PTPRE: variants seen among roughly 807,000 people sequenced by gnomAD.
PTPRE encodes the protein receptor-type tyrosine-protein phosphatase epsilon.
PTPRE carries 51 observed loss-of-function variants against 102.0 expected under a neutral mutation model. The observed-to-expected ratio is 0.50, with a 90% CI of 0.40 to 0.63. PTPRE has a LOEUF of 0.63. Among genes scored for constraint, PTPRE ranks in the 30% least tolerant of loss-of-function variants. PTPRE has a pLI of 0.00. For missense variants in PTPRE, 752 were observed against 915.1 expected, an observed-to-expected ratio of 0.82 and a Z score of 2.30; for synonymous variants, 345 against 348.2, an observed-to-expected ratio of 0.99 and a Z score of 0.10.
chr10:127,931,033 C>T (rs1488742623), intron 1 of PTPRE, among the ~76,000 whole-genome samples: 4 of 152,090 alleles, frequency 2.6e-5, no homozygotes, highest in Non-Finnish European at 4.4e-5. Flanking sequence ...CCTCGTGATC[C>T]ACCCGCCTCG....
chr10:128,003,687 G>A (rs1032473352), intron 2 of PTPRE, among the ~76,000 whole-genome samples: 25 of 152,096 alleles, frequency 1.6e-4, no homozygotes, highest in Non-Finnish European at 3.1e-4. Flanking sequence ...AAAGAAATGC[G>A]CCCCAACTTA....
At chr10:128,063,062 G>A (rs374764753) in intron 9 of PTPRE, 21 bp from the exon 10 acceptor site, 47 of 1,613,440 alleles carry the variant, frequency 2.9e-5, no homozygotes, top group Non-Finnish European at 3.6e-5. Flanking sequence ...TTTTGACTTC[G>A]AAATTGTCCT....
At chr10:128,016,432 C>T (rs1178513954) in intron 2 of PTPRE, among the ~76,000 whole-genome samples, 1 of 152,022 alleles carries the variant, frequency 6.6e-6, no homozygotes, top group Non-Finnish European at 1.5e-5. Flanking sequence ...CCTAAAACTA[C>T]TCTAAAAGCA....
rs1848376287 is a variant in PTPRE, at chr10:128,049,491, T to C, written c.284-39T>C. ...GGTTACTCAGTCGCCTATCCAGGAA[T>C]GTGGCTAAATGGCCCCCATGTTTCT... is the stretch of plus-strand genomic sequence containing the variant. On this transcript the variant is annotated intron_variant, in intron 5 of 20. Transcript: ENST00000254667. The C allele has an allele frequency of 1.9e-6, 3 of 1,610,116 alleles. No individual in the cohort carries two copies. In the East Asian group the frequency reaches 6.7e-5, roughly 36 times the overall value.
intron 15 of PTPRE, 100 bp downstream of exon 15, chr10:128,071,001 G>A (rs778143015): frequency 4.1e-6 from 5 of 1,226,812 alleles, no homozygotes; most frequent in East Asian, 2.5e-5. Context: ...CTGTGCACCA[G>A]GGTCAAAAGC....
rs764887891 is a variant in PTPRE, at chr10:128,066,174, C to T, written c.823C>T (p.Arg275Trp). 6 of 1,614,176 alleles carry T rather than the reference C, an allele frequency of 3.7e-6. No individual in the cohort carries two copies. Among genetic ancestry groups the T allele is most frequent in the East Asian group, 2.2e-5 (1 of 44,886 alleles). ...DCVVLVDYTIRKFCIQPQLPD... is the reference protein window; with the variant it reads ...DCVVLVDYTIWKFCIQPQLPD... ...CGTGGTTTTGGTCGACTACACCATC[C>T]GGAAGTTCTGCATACAGCCAGTAAG... Residue 275 changes from arginine (R) to tryptophan (W), a missense_variant, in exon 11 of 21, where the codon CGG becomes TGG. Arg to Trp is a moderately radical substitution (Grantham distance 101, BLOSUM62 -3). Around this residue, in one of 2 missense-constraint regions of PTPRE, gnomAD observed 636 missense variants for 824.4 expected, o/e 0.77. Coordinates refer to ENST00000254667, the MANE Select transcript of PTPRE (RefSeq NM_006504.6).
chr10:128,067,401 TAC>T (rs879575154), intron 11 of PTPRE, among the ~76,000 whole-genome samples: 69,536 of 136,076 alleles, frequency 0.51, 16,609 homozygotes, highest in Middle Eastern at 0.62. Flanking sequence ...CACACACACA[TAC>T]ACGCACATGG....
At chr10:127,992,961 T>G (rs1452533573) in intron 2 of PTPRE, among the ~76,000 whole-genome samples, 2 of 152,232 alleles carry the variant, frequency 1.3e-5, no homozygotes, top group African/African-American at 4.8e-5. Flanking sequence ...TTGTTTTATT[T>G]CAGTGAGGCT....
intron 1 of PTPRE, among the ~76,000 whole-genome samples, chr10:127,940,434 C>T (rs987523445): frequency 1.6e-4 from 25 of 152,146 alleles, no homozygotes; most frequent in Non-Finnish European, 2.4e-4. Flanking sequence ...ACCTGTGCAC[C>T]GGGCTGGTCC....
In PTPRE at chr10:128,069,777, G is replaced by A; in HGVS notation, c.1093G>A (p.Glu365Lys). 1 of 1,614,244 alleles carries A rather than the reference G, an allele frequency of 6.2e-7. No individual in the cohort carries two copies. Among genetic ancestry groups the A allele is most frequent in the Non-Finnish European group, 8.5e-7 (1 of 1,180,044 alleles). The change falls in exon 13 of 21, where the codon GAA (glutamate) becomes AAA (lysine). Residue 365 changes from glutamate (E) to lysine (K), a missense_variant. Glu to Lys is a moderately conservative substitution (Grantham distance 56). Around this residue, in one of 2 missense-constraint regions of PTPRE, gnomAD observed 636 missense variants for 824.4 expected, o/e 0.77. Transcript: ENST00000254667. ...MHAEQKVDVF[E>K]FVSRIRNQRP... The stretch of plus-strand genomic sequence containing the variant: ...CGCGGAGCAGAAGGTGGATGTGTTT[G>A]AATTTGTGTCTCGAATCCGTAATCA...
At chr10:127,935,254 A>G (rs989724533) in intron 1 of PTPRE, among the ~76,000 whole-genome samples, 4 of 152,090 alleles carry the variant, frequency 2.6e-5, no homozygotes, top group African/African-American at 2.4e-5. Flanking sequence ...CCGTGGTGCA[A>G]ACGTGGCCTT....
chr10:128,039,477 T>TA (rs1009580303), intron 2 of PTPRE, among the ~76,000 whole-genome samples: 79 of 151,994 alleles, frequency 5.2e-4, no homozygotes, highest in African/African-American at 1.8e-3. Context: ...GTTTTGGAAA[T>TA]AAAAAAAAGA....
chr10:127,948,997 C>A (rs139935167), intron 1 of PTPRE, among the ~76,000 whole-genome samples: 1 of 152,170 alleles, frequency 6.6e-6, no homozygotes, highest in Non-Finnish European at 1.5e-5. Flanking sequence ...TGGGATACAC[C>A]CTGCCTCTCC....
chr10:128,040,146 G>A (rs1287289899), intron 2 of PTPRE, among the ~76,000 whole-genome samples: 1 of 152,174 alleles, frequency 6.6e-6, no homozygotes, highest in Non-Finnish European at 1.5e-5. Context: ...CATCCTCGCA[G>A]AGGCAGCTTA....
rs1296650341 is a variant in PTPRE, at chr10:128,051,923, G to A, written c.420+2257G>A. On this transcript the variant is annotated intron_variant, in intron 6 of 20. Coordinates refer to ENST00000254667, the MANE Select transcript of PTPRE (RefSeq NM_006504.6). ...GTGTCTCCCAGGCTGGAGTGCAGGG[G>A]CCTGATCACAGTTCACTGAAGACTC... Among the ~76,000 whole-genome samples, 3 of 152,164 alleles carry A rather than the reference G, an allele frequency of 2.0e-5. No homozygotes were observed. In the East Asian group the frequency reaches 5.8e-4, roughly 29 times the overall value.
chr10:128,034,181 A>G (rs1481982294), intron 2 of PTPRE, among the ~76,000 whole-genome samples: 3 of 152,178 alleles, frequency 2.0e-5, no homozygotes, highest in Non-Finnish European at 2.9e-5. Flanking sequence ...TTATTTTGTA[A>G]ATAAACCTAA....
At chr10:127,928,108 G>A (rs1014909567) in intron 1 of PTPRE, among the ~76,000 whole-genome samples, 7 of 152,158 alleles carry the variant, frequency 4.6e-5, no homozygotes, top group Admixed American at 4.6e-4. Context: ...AGTGGTGACC[G>A]TCAGATTTAT....
chr10:127,925,397 C>T, intron 1 of PTPRE, among the ~76,000 whole-genome samples: 1 of 152,168 alleles, frequency 6.6e-6, no homozygotes, highest in East Asian at 1.9e-4. Context: ...GTGAGGGATC[C>T]TCATTCTTTT....
intron 2 of PTPRE, among the ~76,000 whole-genome samples, chr10:127,989,237 T>C (rs1852397490): frequency 6.6e-6 from 1 of 152,148 alleles, no homozygotes; most frequent in Non-Finnish European, 1.5e-5. Context: ...CATGTTAGCA[T>C]GTTGCTGCTG....
Sources: gnomAD v4.1 joint callset for allele counts (sites outside exome capture counted in the v4.1 genomes callset) on GRCh38, gnomAD v4.1.1 for gene constraint, gnomAD v4.1.1 regional missense constraint, MANE v1.5 for transcripts, NCBI Gene and HGNC (gene_info 2026-07-23, HGNC 2026-07-21) for gene names.